Variants in DOCK1 observed in about 807,000 individuals in gnomAD.
DOCK1 encodes dedicator of cytokinesis protein 1.
In DOCK1, 138 loss-of-function variants were observed where a neutral mutation model predicts 262.7. That is an observed-to-expected ratio of 0.53 (90% CI 0.46 to 0.61). The LOEUF is 0.61. DOCK1 is among the 20% of genes least tolerant of loss of function. The probability of loss-of-function intolerance (pLI) is 0.00; values close to 1 mark genes in which losing one functional copy is unlikely to be tolerated. For synonymous variants in DOCK1, 866 were observed against 867.4 expected (o/e 1.00, Z 0.03); for missense variants, 1,908 against 2,370.7 (o/e 0.80, Z 4.05).
chr10:127,039,481 A>C (rs1477710177), intron 19 of DOCK1, among the ~76,000 whole-genome samples: 1 of 152,108 alleles, frequency 6.6e-6, no homozygotes, highest in African/African-American at 2.4e-5. Flanking sequence ...CTCACATTTG[A>C]TTATTCATCC....
intron 23 of DOCK1, among the ~76,000 whole-genome samples, chr10:127,080,853 C>T (rs2046858807): frequency 6.6e-6 from 1 of 152,196 alleles, no homozygotes; most frequent in South Asian, 2.1e-4. Flanking sequence ...AGCCACCCTG[C>T]AATTTGCCTC....
chr10:127,142,996 G>C (rs2051415396), intron 27 of DOCK1, among the ~76,000 whole-genome samples: 1 of 152,156 alleles, frequency 6.6e-6, no homozygotes, highest in South Asian at 2.1e-4. Flanking sequence ...CCCAGAGACT[G>C]TGCTAGGCTT....
chr10:127,346,641 C>T (rs1165179462), intron 31 of DOCK1, among the ~76,000 whole-genome samples: 2 of 152,164 alleles, frequency 1.3e-5, no homozygotes, highest in East Asian at 3.9e-4. Flanking sequence ...CCTCGAAGGG[C>T]CTTGGCTACT....
intron 1 of DOCK1, among the ~76,000 whole-genome samples, chr10:126,954,550 C>T: frequency 6.6e-6 from 1 of 152,210 alleles, no homozygotes. Context: ...TTTCTTCTTC[C>T]TGAAGACAGA....
chr10:127,409,341 A>C lies in DOCK1; in HGVS notation c.4293A>C (p.Lys1431Asn). Reference sequence around the variant, plus strand: ...TTCAGTGCTTCACAGTGAAGCCCAAACTCGATCTGCCTCCTAAGTTTCACA... The same window carrying C: ...TTCAGTGCTTCACAGTGAAGCCCAACCTCGATCTGCCTCCTAAGTTTCACA... ...QYIQCFTVKPKLDLPPKFHRP... is the reference protein window; with the variant it reads ...QYIQCFTVKPNLDLPPKFHRP... The change falls in exon 42 of 52, where the codon AAA becomes AAC. Residue 1431 changes from lysine (K) to asparagine (N), a missense_variant. Lys to Asn is a moderately conservative substitution (Grantham distance 94). Around this residue, in one of 9 missense-constraint regions of DOCK1, gnomAD observed 267 missense variants for 366.3 expected, o/e 0.73. Coordinates refer to ENST00000623213, the MANE Select transcript of DOCK1 (RefSeq NM_001290223.2). 2 of 1,613,798 alleles carry C rather than the reference A, an allele frequency of 1.2e-6. No homozygotes were observed. Among genetic ancestry groups the C allele is most frequent in the Non-Finnish European group, 8.5e-7 (1 of 1,179,856 alleles).
At chr10:127,339,733 G>GTGTGTGTGTGCGTGCA (rs71032552) in intron 30 of DOCK1, among the ~76,000 whole-genome samples, 1 of 109,230 alleles carries the variant, frequency 9.2e-6, no homozygotes, top group Admixed American at 1.0e-4. Flanking sequence ...GTGTGTGTGT[G>GTGTGTGTGTGCGTGCA]TGCATGCTGT....
chr10:127,179,452 GT>G (rs1252727172), intron 27 of DOCK1, among the ~76,000 whole-genome samples: 1 of 152,162 alleles, frequency 6.6e-6, no homozygotes, highest in African/African-American at 2.4e-5. Flanking sequence ...TAGTAATTGA[GT>G]TCTTATTCTC....
chr10:126,966,505 C>T (rs1240392367), intron 1 of DOCK1, among the ~76,000 whole-genome samples: 2 of 152,126 alleles, frequency 1.3e-5, no homozygotes, highest in African/African-American at 2.4e-5. Context: ...CATATTCCCA[C>T]CGAGTGTCTA....
chr10:127,393,709 T>C (rs58710806), intron 38 of DOCK1, among the ~76,000 whole-genome samples: 31,526 of 152,170 alleles, frequency 0.21, 3,596 homozygotes, highest in East Asian at 0.38. Context: ...AATGATGTTC[T>C]GTTATCTTTC....
intron 1 of DOCK1, among the ~76,000 whole-genome samples, chr10:126,955,282 T>C (rs1177603710): frequency 1.3e-5 from 2 of 152,198 alleles, no homozygotes; most frequent in Admixed American, 1.3e-4. Context: ...TGCACCATCA[T>C]GTTCGGCTAA....
chr10:126,990,332 TTAAC>T, intron 5 of DOCK1, 119 bp from the exon 6 acceptor site: 1 of 1,005,038 alleles, frequency 9.9e-7, no homozygotes, highest in Non-Finnish European at 1.4e-6. Flanking sequence ...TAATTCAACA[TTAAC>T]TAAATCTCAT....
intron 1 of DOCK1, among the ~76,000 whole-genome samples, chr10:126,943,212 C>T (rs1224680122): frequency 6.6e-6 from 1 of 152,164 alleles, no homozygotes; most frequent in East Asian, 1.9e-4. Context: ...GAGATTGTGC[C>T]ACTGCACTCC....
chr10:127,197,050 GC>G (rs1270139863), intron 27 of DOCK1, among the ~76,000 whole-genome samples: 1 of 152,176 alleles, frequency 6.6e-6, no homozygotes, highest in Non-Finnish European at 1.5e-5. Context: ...TGCGGATGCT[GC>G]CTTGTAGAAG....
At chr10:127,092,344 C>A (rs372456573) in intron 23 of DOCK1, among the ~76,000 whole-genome samples, 1 of 152,174 alleles carries the variant, frequency 6.6e-6, no homozygotes, top group Non-Finnish European at 1.5e-5. Context: ...GCATCGCTCC[C>A]GCCACAGGGC....
At chr10:127,172,195 G>C (rs753206242) in intron 27 of DOCK1, among the ~76,000 whole-genome samples, 1 of 152,090 alleles carries the variant, frequency 6.6e-6, no homozygotes, top group Non-Finnish European at 1.5e-5. Flanking sequence ...TGAATCCCTC[G>C]TTCTAAAGTC....
chr10:127,327,424 A>G (rs1484712026), intron 29 of DOCK1, among the ~76,000 whole-genome samples: 1 of 152,124 alleles, frequency 6.6e-6, no homozygotes, highest in Non-Finnish European at 1.5e-5. Flanking sequence ...TTAAGAATCA[A>G]CCTCTGGTAG....
intron 38 of DOCK1, among the ~76,000 whole-genome samples, chr10:127,398,137 G>A (rs28514926): frequency 0.42 from 63,331 of 152,056 alleles, 13,906 homozygotes; most frequent in Middle Eastern, 0.54. Context: ...GCTGCAGACC[G>A]TCTTTGCTGG....
intron 1 of DOCK1, among the ~76,000 whole-genome samples, chr10:126,946,113 TATATATA>T (rs2035381015): frequency 6.6e-6 from 1 of 152,136 alleles, no homozygotes; most frequent in African/African-American, 2.4e-5. Context: ...ATGGGAAAAA[TATATATA>T]ACATAGAATT....
intron 1 of DOCK1, among the ~76,000 whole-genome samples, chr10:126,915,915 T>A (rs2032436757): frequency 6.6e-6 from 1 of 152,150 alleles, no homozygotes. Flanking sequence ...TTTTTAAGTG[T>A]TTTTTGTCTT....
Sources: allele counts gnomAD v4.1 joint callset (sites outside exome capture counted in the v4.1 genomes callset), GRCh38; gene constraint gnomAD v4.1.1; regional missense constraint gnomAD v4.1.1; transcripts MANE v1.5; gene names NCBI Gene and HGNC (gene_info 2026-07-23, HGNC 2026-07-21).